NLRP13: variants seen among roughly 807,000 people sequenced by gnomAD.
NLRP13 encodes the protein NLR family pyrin domain containing 13.
A neutral mutation model predicts 94.4 loss-of-function variants in NLRP13; 82 were observed. The ratio of observed to expected loss-of-function variants is 0.87; its 90% CI spans 0.73 to 1.04. The LOEUF is 1.04. NLRP13 is among the 50% of genes least tolerant of loss of function. The pLI, the probability that NLRP13 is intolerant of heterozygous loss-of-function variation, is 0.00. For synonymous variants in NLRP13, 553 were observed against 464.7 expected (o/e 1.19, Z -2.45); for missense variants, 1,426 against 1,230.8 (o/e 1.16, Z -2.37).
At chr19:55,914,724 A>G (rs994599250) in intron 4 of NLRP13, among the ~76,000 whole-genome samples, 2 of 152,210 alleles carry the variant, frequency 1.3e-5, no homozygotes, top group African/African-American at 4.8e-5. Context: ...GTGTTGTCAC[A>G]AATGATAGAA....
At chr19:55,911,650 C>T in intron 5 of NLRP13, 56 bp downstream of exon 5, 1 of 1,482,588 alleles carries the variant, frequency 6.7e-7, no homozygotes, top group Middle Eastern at 1.9e-4. Context: ...AAAGAATTTG[C>T]ACAGAGCCTG....
intron 5 of NLRP13, among the ~76,000 whole-genome samples, chr19:55,911,131 A>G (rs936622922): frequency 3.9e-5 from 6 of 152,230 alleles, no homozygotes; most frequent in Non-Finnish European, 7.3e-5. Context: ...ATTGTAGCAG[A>G]TGGAGACAGA....
At chr19:55,899,446 G>C (rs550175470) in intron 9 of NLRP13, among the ~76,000 whole-genome samples, 1 of 152,104 alleles carries the variant, frequency 6.6e-6, no homozygotes, top group African/African-American at 2.4e-5. Flanking sequence ...GCGACAGGAG[G>C]AGAAAGAGTC....
chr19:55,897,565 C>T (rs1986049505), intron 10 of NLRP13, among the ~76,000 whole-genome samples: 1 of 152,088 alleles, frequency 6.6e-6, no homozygotes, highest in Admixed American at 6.6e-5. Context: ...ATGAGTCTCT[C>T]TAAGGAAATA....
At chr19:55,928,668 G>T (rs1353274355) in intron 1 of NLRP13, among the ~76,000 whole-genome samples, 3 of 152,178 alleles carry the variant, frequency 2.0e-5, no homozygotes, top group African/African-American at 7.2e-5. Context: ...TCTCTATAAA[G>T]AGAGATATTC....
intron 9 of NLRP13, among the ~76,000 whole-genome samples, chr19:55,901,737 T>C (rs1477691883): frequency 2.0e-5 from 3 of 152,180 alleles, no homozygotes. Flanking sequence ...CCTTTGCTGA[T>C]CTGCCTTGTG....
chr19:55,927,547 T>C (rs184581137), intron 1 of NLRP13, among the ~76,000 whole-genome samples: 37 of 151,948 alleles, frequency 2.4e-4, no homozygotes, highest in African/African-American at 8.2e-4. Context: ...CACAGACATA[T>C]CCTTGGGTGG....
intron 9 of NLRP13, 80 bp from the exon 10 acceptor site, chr19:55,899,017 G>A (rs894998638): frequency 2.2e-5 from 32 of 1,441,720 alleles, no homozygotes; most frequent in Middle Eastern, 1.8e-4. Context: ...CCCATCTCAC[G>A]TCCAAGGAAA....
chr19:55,900,224 A>G (rs908970093), intron 9 of NLRP13, among the ~76,000 whole-genome samples: 1 of 145,110 alleles, frequency 6.9e-6, no homozygotes, highest in Non-Finnish European at 1.5e-5. Context: ...TGACGAGGGG[A>G]AAAACAAAAT....
intron 1 of NLRP13, among the ~76,000 whole-genome samples, chr19:55,929,303 C>G (rs949754406): frequency 3.7e-4 from 57 of 152,276 alleles, no homozygotes; most frequent in African/African-American, 1.3e-3. Flanking sequence ...ATAAATCATT[C>G]TACTATAAAG....
intron 9 of NLRP13, among the ~76,000 whole-genome samples, chr19:55,901,335 C>T (rs2123107100): frequency 6.6e-6 from 1 of 152,336 alleles, no homozygotes; most frequent in East Asian, 1.9e-4. Context: ...GGTCGGACCA[C>T]ACAATCTCAA....
At position 55,902,062 on chromosome 19, in the gene NLRP13, C is replaced by A; in HGVS notation, c.2762G>T (p.Arg921Leu). 2 of 1,614,102 alleles carry A rather than the reference C, an allele frequency of 1.2e-6. No individual in the cohort carries two copies. The highest frequency in any genetic ancestry group is 1.7e-6 in the Non-Finnish European group (2 of 1,179,960). The change falls in exon 9 of 11, where the codon CGC (arginine) becomes CTC (leucine). Residue 921 changes from arginine (R) to leucine (L), a missense_variant. Transcript: ENST00000342929. ...GVKFLCEALG[R>L]PDGNLQSLNL... ...CAGGCTCTGCAGGTTACCATCTGGG[C>A]GACCCAAGGCCTCACACAGGAACTT...
In NLRP13 at chr19:55,911,894, G is replaced by A; in HGVS notation, c.1923C>T (p.Cys641=). 1 of 1,614,044 alleles carries A rather than the reference G, an allele frequency of 6.2e-7. No homozygotes were observed. Among genetic ancestry groups the A allele is most frequent in the Non-Finnish European group, 8.5e-7 (1 of 1,179,916 alleles). Residue 641 remains cysteine, a synonymous_variant, in exon 5 of 11, where the codon TGC becomes TGT. Coordinates refer to ENST00000342929, the MANE Select transcript of NLRP13 (RefSeq NM_176810.2). Reference sequence around the variant, plus strand: ...AGTCTTCCTCCTGGGACTCGTGTAGGCAGTGAAAAAGTCGTAGAATGTGAA... The same window carrying A: ...AGTCTTCCTCCTGGGACTCGTGTAGACAGTGAAAAAGTCGTAGAATGTGAA... ...LQFHILRLFH[C]LHESQEEDFT... is the part of the protein sequence containing the mutation.
intron 1 of NLRP13, among the ~76,000 whole-genome samples, chr19:55,927,915 C>G (rs946778370): frequency 6.6e-6 from 1 of 152,164 alleles, no homozygotes; most frequent in Non-Finnish European, 1.5e-5. Context: ...AAAGACAGTA[C>G]GTGGGTCCCT....
chr19:55,892,028 A>C, downstream of NLRP13: 4 of 1,122,546 alleles, frequency 3.6e-6, no homozygotes, highest in East Asian at 6.4e-5. Flanking sequence ...CTTCAAGGTC[A>C]TTAAAATCCC....
At chr19:55,923,339 G>T (rs1393767207) in intron 4 of NLRP13, among the ~76,000 whole-genome samples, 1 of 152,140 alleles carries the variant, frequency 6.6e-6, no homozygotes, top group Non-Finnish European at 1.5e-5. Flanking sequence ...TGGGGGAGAG[G>T]GGGTTGCAAA....
chr19:55,905,776 TTTACCCACTAGGTG>T (rs1986328749), intron 7 of NLRP13, among the ~76,000 whole-genome samples: 2 of 152,030 alleles, frequency 1.3e-5, no homozygotes, highest in African/African-American at 4.8e-5. Flanking sequence ...ATAACTGACC[TTTACCCACTAGGTG>T]TTACCCACTA....
chr19:55,909,388 T>A (rs1464206348), intron 6 of NLRP13, among the ~76,000 whole-genome samples: 1 of 152,188 alleles, frequency 6.6e-6, no homozygotes, highest in Non-Finnish European at 1.5e-5. Flanking sequence ...GTTCTATTTT[T>A]AATTCACATA....
chr19:55,901,070 G>A (rs895660462), intron 9 of NLRP13, among the ~76,000 whole-genome samples: 1 of 152,200 alleles, frequency 6.6e-6, no homozygotes, highest in Admixed American at 6.5e-5. Context: ...TGCCCTGGTA[G>A]ACCACACTTG....
Sources: allele counts gnomAD v4.1 joint callset (sites outside exome capture counted in the v4.1 genomes callset), GRCh38; gene constraint gnomAD v4.1.1; transcripts MANE v1.5; gene names NCBI Gene and HGNC (gene_info 2026-07-23, HGNC 2026-07-21).